The following MYO1F variants were observed in gnomAD, a reference collection of about 807,000 sequenced individuals.
MYO1F encodes unconventional myosin-If.
A neutral mutation model predicts 146.6 loss-of-function variants in MYO1F; 60 were observed. The ratio of observed to expected loss-of-function variants is 0.41; its 90% CI spans 0.33 to 0.51. MYO1F has a LOEUF of 0.51. Among genes scored for constraint, MYO1F ranks in the 20% least tolerant of loss-of-function variants. The probability of loss-of-function intolerance (pLI) is 0.25; values close to 1 mark genes in which losing one functional copy is unlikely to be tolerated. For synonymous variants in MYO1F, 602 were observed against 602.1 expected, an observed-to-expected ratio of 1.00 and a Z score of 0.00; for missense variants, 1,274 against 1,534.3, an observed-to-expected ratio of 0.83 and a Z score of 2.83.
At chr19:8,541,377 T>C (rs2145871294) in intron 15 of MYO1F, among the ~76,000 whole-genome samples, 1 of 151,302 alleles carries the variant, frequency 6.6e-6, no homozygotes, top group East Asian at 1.9e-4. Flanking sequence ...CCCCGTCTTA[T>C]TACTTTACAT....
intron 21 of MYO1F, among the ~76,000 whole-genome samples, chr19:8,528,690 G>A (rs1972364608): frequency 6.6e-6 from 1 of 152,176 alleles, no homozygotes; most frequent in African/African-American, 2.4e-5. Flanking sequence ...TGCTGGACAT[G>A]GGTTCCCGGG....
chr19:8,527,128 T>G (rs1972304505), intron 22 of MYO1F, among the ~76,000 whole-genome samples, 193 bp from the exon 23 acceptor site: 1 of 151,140 alleles, frequency 6.6e-6, no homozygotes, highest in African/African-American at 2.4e-5. Context: ...CCAGGTGAGG[T>G]CTAGTAAGAG....
chr19:8,561,602 C>CT lies in MYO1F; in HGVS notation c.4-5807dup, dbSNP rs558746294. ...TTCCTTCCCTCCCTCCCTCTCTTCT[C>CT]TTTTTTCTTTCTCTCTTTCTTTCTT... On this transcript the variant is annotated intron_variant, in intron 1 of 27. Transcript: ENST00000644032. Among the ~76,000 whole-genome samples, 556 of 132,214 alleles carry CT rather than the reference C, an allele frequency of 4.2e-3. 2 individuals carry two copies. The highest frequency in any genetic ancestry group is 0.015 in the African/African-American group (513 of 34,748). 86.7% of individuals were successfully genotyped at this position (132,214 alleles called of 152,430 possible).
intron 1 of MYO1F, among the ~76,000 whole-genome samples, chr19:8,574,577 T>TTCTTTCTTTCTCTCTCTCTC (rs1335184271): frequency 3.8e-5 from 3 of 79,786 alleles, no homozygotes; most frequent in Non-Finnish European, 7.2e-5. Flanking sequence ...CTTTCTTTCT[T>TTCTTTCTTTCTCTCTCTCTC]TCTCTCTCTC....
At chr19:8,546,597 C>T (rs1343001055) in intron 12 of MYO1F, among the ~76,000 whole-genome samples, 6 of 151,948 alleles carry the variant, frequency 3.9e-5, no homozygotes, top group Admixed American at 6.6e-5. Flanking sequence ...CAGGCTCAAG[C>T]GATCCTCTTA....
At chr19:8,574,808 T>G (rs1555733390) in intron 1 of MYO1F, among the ~76,000 whole-genome samples, 1 of 149,472 alleles carries the variant, frequency 6.7e-6, no homozygotes. Context: ...CAGGCTGGAG[T>G]GCAGTGGCGT....
intron 8 of MYO1F, 176 bp downstream of exon 8, chr19:8,551,564 C>G: frequency 1.2e-6 from 1 of 845,306 alleles, no homozygotes; most frequent in Non-Finnish European, 1.9e-6. Flanking sequence ...GTTGGCCAGG[C>G]CGGTCTTAAA....
intron 1 of MYO1F, among the ~76,000 whole-genome samples, chr19:8,556,054 A>G (rs1376242134): frequency 6.6e-6 from 1 of 150,840 alleles, no homozygotes; most frequent in Non-Finnish European, 1.5e-5. Flanking sequence ...TTTGAGACAG[A>G]GTCTCACTCT....
At position 8,551,874 on chromosome 19, in the gene MYO1F, G is replaced by T. The variant is rs1240184687; in HGVS notation, c.637C>A (p.Leu213Met). The stretch of plus-strand genomic sequence containing the variant: ...TGCTCCTGGGAGGCCCCTTCCAGCA[G>T]CTGGAGGGTGTGCCATGTTCATGCA... The part of the protein sequence containing the change: ...NERNFHIYYQ[L>M]LEGASQEQRQ... The change falls in exon 8 of 28, where the codon CTG becomes ATG. Residue 213 changes from leucine to methionine, a missense_variant and splice_region_variant. Leu to Met is a conservative substitution (Grantham distance 15, BLOSUM62 2). Around this residue, in one of 2 missense-constraint regions of MYO1F, gnomAD observed 900 missense variants for 1,155.1 expected, o/e 0.78. Transcript: ENST00000644032. 6.2e-7 allele frequency: 1 copy of T among 1,614,116 alleles called. No homozygotes were observed. The highest frequency in any genetic ancestry group is 2.2e-5 in the East Asian group (1 of 44,866).
intron 15 of MYO1F, chr19:8,540,233 G>A (rs1023368477): frequency 2.0e-5 from 10 of 510,710 alleles, no homozygotes; most frequent in Non-Finnish European, 3.1e-5. Context: ...AGGTTGGGGC[G>A]CATTGGTGCG....
chr19:8,569,424 C>T (rs1488781985), intron 1 of MYO1F, among the ~76,000 whole-genome samples: 1 of 152,070 alleles, frequency 6.6e-6, no homozygotes, highest in East Asian at 1.9e-4. Flanking sequence ...AGAACTAGGG[C>T]AGGCGGGGAC....
chr19:8,525,168 C>A (rs887323563), intron 25 of MYO1F: 7 of 277,476 alleles, frequency 2.5e-5, no homozygotes, highest in Non-Finnish European at 4.1e-5. Flanking sequence ...CCACTGCACC[C>A]CAGCCTGGGA....
At position 8,541,989 on chromosome 19, in the gene MYO1F, G is replaced by A. The variant is rs1258413819; in HGVS notation, c.1527C>T (p.Val509=). The change falls in exon 15 of 28, where the codon GTC becomes GTT. Residue 509 remains valine, a splice_region_variant and synonymous_variant. Coordinates refer to ENST00000644032, the MANE Select transcript of MYO1F (RefSeq NM_012335.4). ...CGCAGAAGCCGCTGACGTCGTAGGA[G>A]ACCTGGAGGGGACAGTGCTGAGGAC... ...GFVIHHYAGK[V]SYDVSGFCER... 6.2e-7 allele frequency: 1 copy of A among 1,612,942 alleles called. No individual in the cohort carries two copies. Among genetic ancestry groups the A allele is most frequent in the South Asian group, 1.1e-5 (1 of 91,088 alleles).
chr19:8,552,342 T>C (rs1247837187), intron 6 of MYO1F, among the ~76,000 whole-genome samples, 178 bp from the exon 7 acceptor site: 3 of 152,034 alleles, frequency 2.0e-5, no homozygotes, highest in African/African-American at 7.2e-5. Context: ...CACTGCAACG[T>C]CCACCTCCTG....
intron 13 of MYO1F, 133 bp from the exon 14 acceptor site, chr19:8,544,597 C>A: frequency 2.3e-6 from 2 of 885,652 alleles, no homozygotes; most frequent in East Asian, 2.7e-5. Flanking sequence ...GTGGGGAGGG[C>A]ACCAGGGGCT....
chr19:8,560,448 G>A (rs1339515708), intron 1 of MYO1F, among the ~76,000 whole-genome samples: 2 of 150,604 alleles, frequency 1.3e-5, no homozygotes, highest in African/African-American at 4.9e-5. Flanking sequence ...TTGCACCATT[G>A]CACTCCAACC....
At chr19:8,535,754 A>G (rs1972678825) in intron 19 of MYO1F, among the ~76,000 whole-genome samples, 1 of 150,666 alleles carries the variant, frequency 6.6e-6, no homozygotes, top group African/African-American at 2.5e-5. Context: ...ATCTCGGCTC[A>G]CTGCAACCTC....
intron 25 of MYO1F, 32 bp downstream of exon 25, chr19:8,525,446 CA>C: frequency 6.3e-7 from 1 of 1,590,910 alleles, no homozygotes. Flanking sequence ...CCACAACAGA[CA>C]AGGGAATATA....
intron 5 of MYO1F, 35 bp from the exon 6 acceptor site, chr19:8,553,263 G>T: frequency 6.2e-7 from 1 of 1,612,240 alleles, no homozygotes; most frequent in South Asian, 1.1e-5. Context: ...GAAGAAGTCA[G>T]ACTGAGGCAG....
Sources: allele counts gnomAD v4.1 joint callset (sites outside exome capture counted in the v4.1 genomes callset), GRCh38; gene constraint gnomAD v4.1.1; regional missense constraint gnomAD v4.1.1; transcripts MANE v1.5; gene names NCBI Gene and HGNC (gene_info 2026-07-23, HGNC 2026-07-21).